The following TOR2A variants were observed in gnomAD, a reference collection of about 807,000 sequenced individuals.
TOR2A encodes torsin family 2 member A.
TOR2A carries 24 observed loss-of-function variants against 28.6 expected under a neutral mutation model. The ratio of observed to expected loss-of-function variants is 0.84; its 90% CI spans 0.61 to 1.18. The LOEUF (loss-of-function observed/expected upper bound fraction) is 1.18, where lower values mean the gene tolerates loss of function less well. Among genes scored for constraint, TOR2A ranks in the 50% most tolerant of loss-of-function variants. TOR2A has a pLI of 0.00. For missense variants in TOR2A, 426 were observed against 448.1 expected (o/e 0.95, Z 0.45); for synonymous variants, 203 against 203.1 (o/e 1.00, Z 0.00).
At chr9:127,733,167 C>A (rs763481194) in intron 3 of TOR2A, 2 of 1,558,316 alleles carry the variant, frequency 1.3e-6, no homozygotes, top group Non-Finnish European at 1.7e-6. Flanking sequence ...AAAGAAGTGG[C>A]GATCAAAAAG....
chr9:127,734,234 C>G, intron 2 of TOR2A, 65 bp downstream of exon 2: 1 of 1,504,306 alleles, frequency 6.6e-7, no homozygotes, highest in Non-Finnish European at 8.9e-7. Context: ...TGTCTGGGCT[C>G]AGGACTTACT....
Position 127,731,982 on chromosome 9 carries a change from C to A in TOR2A, c.*52G>T. 2 of 1,574,314 alleles carry A rather than the reference C, an allele frequency of 1.3e-6. No individual in the cohort carries two copies. The highest frequency in any genetic ancestry group is 1.7e-6 in the Non-Finnish European group (2 of 1,159,690). On this transcript the variant is annotated 3_prime_UTR_variant, in exon 5 of 5. Transcript: ENST00000373284. The stretch of plus-strand genomic sequence containing the variant: ...GGGTTCCTGTGACAGAGGCCCCTGG[C>A]CTTTCCTGCATGGCCTGGCCATCAG...
At position 127,732,701 on chromosome 9, in the gene TOR2A, T is replaced by C. The variant is rs771329946; in HGVS notation, c.594-10A>G. ...CTTGCCACCCGTGTTGCTAAAACCA[T>C]GGGGGACCCAGGCTGAGACTCAGAT... On this transcript the variant is annotated splice_polypyrimidine_tract_variant and intron_variant, in intron 3 of 4. Coordinates refer to ENST00000373284, the MANE Select transcript of TOR2A (RefSeq NM_001085347.3). The C allele has an allele frequency of 1.9e-6, 3 of 1,559,592 alleles. No homozygotes were observed. The South Asian group carries it at 3.5e-5, about 18-fold the overall frequency.
At position 127,732,116 on chromosome 9, in the gene TOR2A, G is replaced by A. The variant is rs1211669322; in HGVS notation, c.884C>T (p.Thr295Ile). ...DEVVQAVLDS[T>I]TFFPEDEQLF... is the part of the protein sequence containing the mutation. ...CTGCTCGTCTTCAGGGAAGAAGGTG[G>A]TGCTGTCCAGCACAGCCTGGACAAC... is the stretch of plus-strand genomic sequence containing the variant. The change falls in exon 5 of 5, where the codon ACC becomes ATC. Residue 295 changes from threonine (T) to isoleucine (I), a missense_variant. Transcript: ENST00000373284. 6.2e-7 allele frequency: 1 copy of A among 1,613,728 alleles called. No individual in the cohort carries two copies. Among genetic ancestry groups the A allele is most frequent in the Non-Finnish European group, 8.5e-7 (1 of 1,179,998 alleles).
rs1844591868 is a variant in TOR2A, at chr9:127,734,320, G to T, written c.396C>A (p.Pro132=). Residue 132 remains proline (P), a synonymous_variant, in exon 2 of 5, where the codon CCC becomes CCA. Transcript: ENST00000373284. ...HFSPVLHFPH[P]SHIERYKKDL... is the part of the protein sequence containing the mutation. ...CTACCTTGTAGCGCTCGATGTGGCT[G>T]GGGTGGGGGAAGTGGAGGACGGGAG... is the stretch of plus-strand genomic sequence containing the variant. 1 of 1,601,462 alleles carries T rather than the reference G, an allele frequency of 6.2e-7. No homozygotes were observed. Among genetic ancestry groups the T allele is most frequent in the Non-Finnish European group, 8.5e-7 (1 of 1,173,532 alleles).
intron 3 of TOR2A, 136 bp from the exon 4 acceptor site, chr9:127,732,827 T>C (rs949539308): frequency 7.5e-5 from 108 of 1,445,446 alleles, no homozygotes; most frequent in Non-Finnish European, 8.6e-5. Context: ...CTGAAAACGC[T>C]CCACTTCCCC....
chr9:127,731,987 C>CCT lies in TOR2A; in HGVS notation c.*45_*46dup. ...CCTGTGACAGAGGCCCCTGGCCTTT[C>CCT]CTGCATGGCCTGGCCATCAGGGGGG... On this transcript the variant is annotated 3_prime_UTR_variant, in exon 5 of 5. Transcript: ENST00000373284. The CCT allele has an allele frequency of 6.3e-7, 1 of 1,579,816 alleles. No individual in the cohort carries two copies.
chr9:127,733,934 G>A (rs1844577150), intron 2 of TOR2A: 1 of 398,886 alleles, frequency 2.5e-6, no homozygotes, highest in Admixed American at 4.1e-5. Context: ...AGTAGTAAGA[G>A]CCAATATTTC....
At position 127,733,434 on chromosome 9, in the gene TOR2A, A is replaced by G; in HGVS notation, c.544T>C (p.Trp182Arg). 6.2e-7 allele frequency: 1 copy of G among 1,613,890 alleles called. No homozygotes were observed. The highest frequency in any genetic ancestry group is 8.5e-7 in the Non-Finnish European group (1 of 1,180,000). Residue 182 changes from tryptophan to arginine, a missense_variant, in exon 3 of 5, where the codon TGG becomes CGG. Transcript: ENST00000373284. ...CGGTAATTGGTCCCGTATACCACCC[A>G]GGAGGAGCCCAGGAAAGGCCGCAGG... ...EVLRPFLGSS[W>R]VVYGTNYRKA...
chr9:127,735,202 G>T lies in TOR2A; in HGVS notation c.69C>A (p.Ala23=). Residue 23 remains alanine (A), a synonymous_variant, in exon 1 of 5, where the codon GCC becomes GCA. Transcript: ENST00000373284. ...AAGCCAGGTCCCAGGCGGCGGCCGC[G>T]GCCGAGACCAGCCCGAGCAGCCCGA... The part of the protein sequence containing the change: ...SLLGLLGLVS[A]AAAAWDLASL... 1 of 1,480,238 alleles carries T rather than the reference G, an allele frequency of 6.8e-7. No homozygotes were observed. Among genetic ancestry groups the T allele is most frequent in the Non-Finnish European group, 8.9e-7 (1 of 1,123,818 alleles). The allele number at this position is 1,480,238 out of a possible 1,614,324, so 91.7% of individuals were successfully genotyped here.
Position 127,734,426 on chromosome 9 carries a change from G to C in TOR2A, c.290C>G (p.Thr97Ser). The change falls in exon 2 of 5, where the codon ACC becomes AGC. Residue 97 changes from threonine to serine, a missense_variant. By Grantham distance (58) the Thr-to-Ser change is moderately conservative. Transcript: ENST00000373284. ...CAGGGAGCTGACATAGGATTTGCCGGTGCCGGTCCAGCCGTGCAGGGAGAG... is the reference window on the plus strand; with the variant it reads ...CAGGGAGCTGACATAGGATTTGCCGCTGCCGGTCCAGCCGTGCAGGGAGAG... Reference protein sequence around the residue: ...LVLSLHGWTGTGKSYVSSLLA... With the variant: ...LVLSLHGWTGSGKSYVSSLLA... The C allele has an allele frequency of 1.9e-6, 3 of 1,612,412 alleles. No homozygotes were observed. Among genetic ancestry groups the C allele is most frequent in the Non-Finnish European group, 2.5e-6 (3 of 1,179,758 alleles).
In TOR2A at chr9:127,733,461, C is replaced by T. The variant is rs773202393; in HGVS notation, c.517G>A (p.Val173Ile). Residue 173 changes from valine (V) to isoleucine (I), a missense_variant, in exon 3 of 5, where the codon GTC (valine) becomes ATC (isoleucine). Coordinates refer to ENST00000373284, the MANE Select transcript of TOR2A (RefSeq NM_001085347.3). The stretch of plus-strand genomic sequence containing the variant: ...GAGGAGCCCAGGAAAGGCCGCAGGA[C>T]TTCCATCAGGCCTGGGGGCATCTTG... ...MDKMPPGLME[V>I]LRPFLGSSWV... is the part of the protein sequence containing the mutation. 3.7e-6 allele frequency: 6 copies of T among 1,613,812 alleles called. No individual in the cohort carries two copies. The East Asian group carries it at 1.3e-4, about 36-fold the overall frequency.
At chr9:127,732,350 G>A in intron 4 of TOR2A, 72 bp from the exon 5 acceptor site, 1 of 1,507,052 alleles carries the variant, frequency 6.6e-7, no homozygotes, top group East Asian at 2.3e-5. Context: ...AAACCCCCAG[G>A]GGCAGGAGGA....
rs1844467617 is a variant in TOR2A, at chr9:127,732,251, T to C, written c.749A>G (p.Glu250Gly). The C allele has an allele frequency of 6.3e-7, 1 of 1,589,104 alleles. No individual in the cohort carries two copies. Among genetic ancestry groups the C allele is most frequent in the Non-Finnish European group, 8.6e-7 (1 of 1,163,788 alleles). Residue 250 changes from glutamate to glycine, a missense_variant, in exon 5 of 5, where the codon GAA (glutamate) becomes GGA (glycine). Transcript: ENST00000373284. ...HHGFSNSGIM[E>G]ERLLDAVVPF... ...CACCACTGCGTCTAGGAGGCGCTCTTCCATGATGCCCGAGTTTGAGAAGCC... is the reference window on the plus strand; with the variant it reads ...CACCACTGCGTCTAGGAGGCGCTCTCCCATGATGCCCGAGTTTGAGAAGCC...
intron 1 of TOR2A, 153 bp from the exon 2 acceptor site, chr9:127,734,717 A>AGATCT: frequency 1.1e-6 from 1 of 943,438 alleles, no homozygotes; most frequent in South Asian, 2.8e-5. Context: ...TCTGTGGCGG[A>AGATCT]AAAGAGCCAC....
rs1844643683 is a variant in TOR2A, at chr9:127,735,287, C to T, written c.-17G>A. 3 of 1,375,712 alleles carry T rather than the reference C, an allele frequency of 2.2e-6. No homozygotes were observed. Among genetic ancestry groups the T allele is most frequent in the Admixed American group, 3.8e-5 (1 of 26,146 alleles). The allele number at this position is 1,375,712 out of a possible 1,614,324, so 85.2% of individuals were successfully genotyped here. A position where few individuals can be genotyped will look rare whatever the true frequency, so the allele number is the denominator to read the frequency against. On this transcript the variant is annotated 5_prime_UTR_variant, in exon 1 of 5. Transcript: ENST00000373284. ...AGCCGCCATCCGGGTGAGGCCCGAGCTCGTTGTGGGGCAGTCAACTGCCTC... is the reference window on the plus strand; with the variant it reads ...AGCCGCCATCCGGGTGAGGCCCGAGTTCGTTGTGGGGCAGTCAACTGCCTC...
Position 127,732,207 on chromosome 9 carries a change from G to C in TOR2A, c.793C>G (p.Arg265Gly), listed in dbSNP as rs114990094. ...DAVVPFLPLQ[R>G]HHVRHCVLNE... ...AGCACGCAGTGCCGGACGTGGTGCCGCTGGAGCGGGAGGAAGGGCACCACT... is the reference window on the plus strand; with the variant it reads ...AGCACGCAGTGCCGGACGTGGTGCCCCTGGAGCGGGAGGAAGGGCACCACT... The change falls in exon 5 of 5, where the codon CGG becomes GGG. Residue 265 changes from arginine (R) to glycine (G), a missense_variant. Physicochemically the swap from Arg to Gly is moderately radical, Grantham distance 125. Coordinates refer to ENST00000373284, the MANE Select transcript of TOR2A (RefSeq NM_001085347.3). The C allele has an allele frequency of 1.6e-5, 26 of 1,611,802 alleles. No individual in the cohort carries two copies. Among genetic ancestry groups the C allele is most frequent in the African/African-American group, 1.3e-5 (1 of 74,890 alleles).
intron 2 of TOR2A, 184 bp downstream of exon 2, chr9:127,734,115 A>T: frequency 1.4e-6 from 1 of 714,192 alleles, no homozygotes; most frequent in East Asian, 3.2e-5. Flanking sequence ...TGCCCCAAGG[A>T]ATCAAAGTAC....
chr9:127,731,856 C>A lies in TOR2A; in HGVS notation c.*178G>T. 7.5e-7 allele frequency: 1 copy of A among 1,340,010 alleles called. No homozygotes were observed. Among genetic ancestry groups the A allele is most frequent in the Non-Finnish European group, 9.9e-7 (1 of 1,007,982 alleles). The allele number at this position is 1,340,010 out of a possible 1,614,324, so 83.0% of individuals were successfully genotyped here. ...CCAGGGGTTTCCCTGGGGAAGGTGG[C>A]CGGGGCCAAGATGCTCTCGAGCCAG... On this transcript the variant is annotated 3_prime_UTR_variant, in exon 5 of 5. Transcript: ENST00000373284.
Sources: gnomAD v4.1 joint callset for allele counts on GRCh38, gnomAD v4.1.1 for gene constraint, MANE v1.5 for transcripts, NCBI Gene and HGNC (gene_info 2026-07-23, HGNC 2026-07-21) for gene names.